Variants in ZBP1 observed in about 807,000 individuals in gnomAD.
ZBP1 encodes the protein Z-DNA-binding protein 1.
A neutral mutation model predicts 41.1 loss-of-function variants in ZBP1; 42 were observed. That is an observed-to-expected ratio of 1.02 (90% CI 0.80 to 1.32). The LOEUF is 1.32. Among genes scored for constraint, ZBP1 ranks in the 40% most tolerant of loss-of-function variants. The probability of loss-of-function intolerance (pLI) is 0.00; values close to 1 mark genes in which losing one functional copy is unlikely to be tolerated. For missense variants in ZBP1, 562 were observed against 549.7 expected (o/e 1.02, Z -0.22); for synonymous variants, 214 against 205.2 (o/e 1.04, Z -0.37).
chr20:57,604,617 C>T lies in ZBP1; in HGVS notation c.1246G>A (p.Asp416Asn). 1 of 1,614,212 alleles carries T rather than the reference C, an allele frequency of 6.2e-7. No homozygotes were observed. The highest frequency in any genetic ancestry group is 1.6e-4 in the Middle Eastern group (1 of 6,062). The change falls in exon 8 of 8, where the codon GAT (aspartate) becomes AAT (asparagine). Residue 416 changes from aspartate (D) to asparagine (N), a missense_variant. Asp to Asn is a conservative substitution (Grantham distance 23). Coordinates refer to ENST00000371173, the MANE Select transcript of ZBP1 (RefSeq NM_030776.3). ...HKAAEGSHYV[D>N]EASHEGSWWG... is the part of the protein sequence containing the mutation. ...CAGCTCCCCTCGTGTGAGGCTTCAT[C>T]CACATAGTGGCTGCCTTCTGCAGCT...
Position 57,620,376 on chromosome 20 carries a change from G to A in ZBP1, c.-81C>T, listed in dbSNP as rs1463208990. The A allele has an allele frequency of 2.0e-6, 3 of 1,501,344 alleles. No individual in the cohort carries two copies. Among genetic ancestry groups the A allele is most frequent in the Admixed American group, 4.2e-5 (2 of 48,006 alleles). 93.0% of individuals were successfully genotyped at this position (1,501,344 alleles called of 1,614,324 possible). A position where few individuals can be genotyped will look rare whatever the true frequency, so the allele number is the denominator to read the frequency against. On this transcript the variant is annotated 5_prime_UTR_variant, in exon 1 of 8. Coordinates refer to ENST00000371173, the MANE Select transcript of ZBP1 (RefSeq NM_030776.3). Reference sequence around the variant, plus strand: ...CTGTGGCCCTGAGAGGGTGGGCTAGGTCGAGGCTGGGGCTTCTGAAGTGGC... The same window carrying A: ...CTGTGGCCCTGAGAGGGTGGGCTAGATCGAGGCTGGGGCTTCTGAAGTGGC...
chr20:57,611,411 A>ATGTTTTT (rs2070664612), intron 6 of ZBP1, among the ~76,000 whole-genome samples: 1 of 95,142 alleles, frequency 1.1e-5, no homozygotes, highest in South Asian at 4.2e-4. Context: ...TGCCCGGTTA[A>ATGTTTTT]TTTTTTTTTT....
chr20:57,610,610 C>T lies in ZBP1; in HGVS notation c.875-243G>A. On this transcript the variant is annotated intron_variant, in intron 6 of 7. Coordinates refer to ENST00000371173, the MANE Select transcript of ZBP1 (RefSeq NM_030776.3). This position sits in a 1 kb window ranked among gnomAD's most constrained non-coding sequence, Gnocchi z 5.5. ...CCGCAGTGGGTCTGCCCCACTGATC[C>T]CGCCCGGCTGATCTGGACGTCAGTG... 1 of 574,494 alleles carries T rather than the reference C, an allele frequency of 1.7e-6. No homozygotes were observed. Among genetic ancestry groups the T allele is most frequent in the Non-Finnish European group, 3.1e-6 (1 of 321,032 alleles). 35.6% of individuals were successfully genotyped at this position (574,494 alleles called of 1,614,324 possible). A position where few individuals can be genotyped will look rare whatever the true frequency, so the allele number is the denominator to read the frequency against.
Position 57,613,839 on chromosome 20 carries a change from C to T in ZBP1, c.503-509G>A, listed in dbSNP as rs1272487436. ...TCACAGCAGCCCTAGGATGCTGAGACCCCCTCGGGCACCCGTCATGAGTAG... is the reference window on the plus strand; with the variant it reads ...TCACAGCAGCCCTAGGATGCTGAGATCCCCTCGGGCACCCGTCATGAGTAG... On this transcript the variant is annotated intron_variant, in intron 4 of 7. Transcript: ENST00000371173. The surrounding 1 kb of genome is among the most constrained non-coding windows in gnomAD (Gnocchi z 4.5). 6.6e-6 allele frequency among the ~76,000 whole-genome samples: 1 copy of T among 152,216 alleles called. No homozygotes were observed. The highest frequency in any genetic ancestry group is 2.4e-5 in the African/African-American group (1 of 41,446).
At chr20:57,608,323 C>T (rs932955871) in intron 7 of ZBP1, among the ~76,000 whole-genome samples, 2 of 152,190 alleles carry the variant, frequency 1.3e-5, no homozygotes, top group South Asian at 2.1e-4. Flanking sequence ...AGGGTTTCAC[C>T]GTGTTAGCCA....
rs1381195910 is a variant in ZBP1, at chr20:57,604,496, T to C, written c.*77A>G. On this transcript the variant is annotated 3_prime_UTR_variant, in exon 8 of 8. Coordinates refer to ENST00000371173, the MANE Select transcript of ZBP1 (RefSeq NM_030776.3). ...GCAGGTCAAACAAGACGCTAAGGAA[T>C]GCAGAGAGCAGCAGGCTAGTCTCCC... The C allele has an allele frequency of 1.9e-6, 3 of 1,543,604 alleles. No homozygotes were observed. Among genetic ancestry groups the C allele is most frequent in the Non-Finnish European group, 2.7e-6 (3 of 1,117,736 alleles).
chr20:57,614,912 G>A lies in ZBP1; in HGVS notation c.477C>T (p.Ser159=), dbSNP rs1373888062. ...SRHLLDMDEQ[S]KAWTIYRPED... is the part of the protein sequence containing the mutation. The stretch of plus-strand genomic sequence containing the variant: ...CTGGGCGGTAAATCGTCCATGCTTT[G>A]GACTGCTCATCCATGTCCAGAAGGT... Residue 159 remains serine (S), a synonymous_variant, in exon 4 of 8, where the codon TCC becomes TCT. Transcript: ENST00000371173. 3 of 1,614,080 alleles carry A rather than the reference G, an allele frequency of 1.9e-6. No individual in the cohort carries two copies. The South Asian group carries it at 3.3e-5, about 18-fold the overall frequency.
At chr20:57,618,492 T>C (rs1216142143) in intron 1 of ZBP1, among the ~76,000 whole-genome samples, 2 of 151,382 alleles carry the variant, frequency 1.3e-5, no homozygotes, top group Admixed American at 1.3e-4. Flanking sequence ...GAATTCCCAC[T>C]CCTGCGCCCA....
chr20:57,620,162 A>G (rs908814344), intron 1 of ZBP1, 100 bp downstream of exon 1: 7 of 1,393,032 alleles, frequency 5.0e-6, no homozygotes, highest in African/African-American at 2.9e-5. Context: ...GGATACTGCT[A>G]TTGTCATCAT....
rs578252386 is a variant in ZBP1, at chr20:57,612,884, C to A, written c.670+279G>T. The A allele has an allele frequency of 1.0e-4, 135 of 1,320,298 alleles. 1 individual carries two copies. The highest frequency in any genetic ancestry group is 5.7e-4 in the Middle Eastern group (2 of 3,530). 81.8% of individuals were successfully genotyped at this position (1,320,298 alleles called of 1,614,324 possible). A position where few individuals can be genotyped will look rare whatever the true frequency, so the allele number is the denominator to read the frequency against. On this transcript the variant is annotated intron_variant, in intron 5 of 7. Coordinates refer to ENST00000371173, the MANE Select transcript of ZBP1 (RefSeq NM_030776.3). Reference sequence around the variant, plus strand: ...TAAGGTCAGGCGCAACACAGAGATACCCCATCTTAATTTTAAAATTTTATT... The same window carrying A: ...TAAGGTCAGGCGCAACACAGAGATAACCCATCTTAATTTTAAAATTTTATT...
At position 57,616,255 on chromosome 20, in the gene ZBP1, A is replaced by T; in HGVS notation, c.248T>A (p.Leu83Ter). Residue 83 changes from leucine to a stop codon, truncating the protein, a stop_gained, in exon 2 of 8, where the codon TTG becomes TAG. Transcript: ENST00000371173. LOFTEE classifies it high-confidence loss of function. ...GGGGTGGCAGTTACCAGGGCTGGAC[A>T]AGGCCAGCTCTGCAGGACCCTCGCC... The part of the protein sequence containing the change: ...PEGEGPAELA[L>*]SSPAERPQQH... 6.2e-7 allele frequency: 1 copy of T among 1,614,008 alleles called. No homozygotes were observed. Among genetic ancestry groups the T allele is most frequent in the Non-Finnish European group, 8.5e-7 (1 of 1,179,972 alleles).
intron 1 of ZBP1, among the ~76,000 whole-genome samples, chr20:57,619,844 T>C (rs1335523502): frequency 6.6e-6 from 1 of 151,826 alleles, no homozygotes; most frequent in Non-Finnish European, 1.5e-5. Context: ...CTATTTTTTT[T>C]TTTTTTTTCT....
chr20:57,611,611 G>T, intron 6 of ZBP1, 116 bp downstream of exon 6: 1 of 1,198,578 alleles, frequency 8.3e-7, no homozygotes, highest in Non-Finnish European at 1.2e-6. Flanking sequence ...GCTGCCTGGT[G>T]GAAGGAAAGG....
At chr20:57,618,290 C>G (rs2070897476) in intron 1 of ZBP1, among the ~76,000 whole-genome samples, 1 of 152,230 alleles carries the variant, frequency 6.6e-6, no homozygotes, top group Admixed American at 6.5e-5. Flanking sequence ...ACCTGAGTTC[C>G]CCTTCCAGGA....
intron 7 of ZBP1, among the ~76,000 whole-genome samples, chr20:57,609,099 A>T (rs1035499304): frequency 5.9e-5 from 9 of 152,140 alleles, no homozygotes; most frequent in Non-Finnish European, 1.2e-4. Flanking sequence ...CTCCATGCTC[A>T]GGTCACCCTC....
At chr20:57,619,422 C>T (rs951514218) in intron 1 of ZBP1, among the ~76,000 whole-genome samples, 1 of 152,168 alleles carries the variant, frequency 6.6e-6, no homozygotes, top group African/African-American at 2.4e-5. Context: ...TCCCCCAAAC[C>T]GCAAAACCAC....
At chr20:57,605,936 AAAATAAAT>A (rs574394663) in intron 7 of ZBP1, among the ~76,000 whole-genome samples, 18 of 152,080 alleles carry the variant, frequency 1.2e-4, no homozygotes, top group African/African-American at 4.1e-4. Context: ...CTCCATCTCA[AAAATAAAT>A]AAATAAATAA....
Position 57,615,513 on chromosome 20 carries a change from C to A in ZBP1, c.327G>T (p.Arg109=). 1 of 1,613,320 alleles carries A rather than the reference C, an allele frequency of 6.2e-7. No homozygotes were observed. The highest frequency in any genetic ancestry group is 2.2e-5 in the East Asian group (1 of 44,840). The change falls in exon 3 of 8, where the codon CGG becomes CGT. Residue 109 remains arginine (R), a splice_region_variant and synonymous_variant. Coordinates refer to ENST00000371173, the MANE Select transcript of ZBP1 (RefSeq NM_030776.3). ...CTGAAGGGACATGCAAAAACTTACC[C>A]CGTTGTTGGCTGAACTGAGGGCCAG... ...ETPGPQFSQQ[R]EEDIYRFLKD...
In ZBP1 at chr20:57,613,123, C is replaced by T; in HGVS notation, c.670+40G>A. 6.2e-7 allele frequency: 1 copy of T among 1,613,210 alleles called. No individual in the cohort carries two copies. Among genetic ancestry groups the T allele is most frequent in the Non-Finnish European group, 8.5e-7 (1 of 1,179,530 alleles). ...CCCACCCAGAGGATCCGGTGGCTCCCCACCGAGGTCCCCTCCCTGGGCTCT... is the reference window on the plus strand; with the variant it reads ...CCCACCCAGAGGATCCGGTGGCTCCTCACCGAGGTCCCCTCCCTGGGCTCT... On this transcript the variant is annotated intron_variant, in intron 5 of 7. Transcript: ENST00000371173. This position sits in a 1 kb window ranked among gnomAD's most constrained non-coding sequence, Gnocchi z 4.5.
Sources: allele counts gnomAD v4.1 joint callset (sites outside exome capture counted in the v4.1 genomes callset), GRCh38; gene constraint gnomAD v4.1.1; non-coding constraint Gnocchi (gnomAD v3.1); transcripts MANE v1.5; gene names NCBI Gene and HGNC (gene_info 2026-07-23, HGNC 2026-07-21).